Variants in HS3ST4 observed in about 807,000 individuals in gnomAD.
HS3ST4 encodes heparan sulfate glucosamine 3-O-sulfotransferase 4.
Under a neutral mutation model 29.2 loss-of-function variants are expected in HS3ST4, and 17 were observed. The ratio of observed to expected loss-of-function variants is 0.58; its 90% CI spans 0.40 to 0.87. The LOEUF is 0.87. Among genes scored for constraint, HS3ST4 ranks in the 40% least tolerant of loss-of-function variants. HS3ST4 has a pLI of 0.00. For synonymous variants in HS3ST4, 314 were observed against 285.7 expected (o/e 1.10, Z -1.00); for missense variants, 627 against 634.5 (o/e 0.99, Z 0.13).
chr16:26,041,647 A>G (rs941582414), intron 1 of HS3ST4, among the ~76,000 whole-genome samples: 7 of 152,166 alleles, frequency 4.6e-5, no homozygotes, highest in Non-Finnish European at 1.0e-4. Context: ...CTCTGTGGCA[A>G]CTACTCAACT....
chr16:25,841,667 A>G (rs1056493048), intron 1 of HS3ST4, among the ~76,000 whole-genome samples: 1 of 152,104 alleles, frequency 6.6e-6, no homozygotes, highest in Non-Finnish European at 1.5e-5. Context: ...ACCAGAGACA[A>G]TCTCATGGAG....
chr16:25,965,571 G>A (rs1968835015), intron 1 of HS3ST4, among the ~76,000 whole-genome samples: 2 of 152,064 alleles, frequency 1.3e-5, no homozygotes, highest in South Asian at 2.1e-4. Flanking sequence ...TGTGGGTAAT[G>A]GACTCTTCTG....
intron 1 of HS3ST4, among the ~76,000 whole-genome samples, chr16:25,977,999 C>G (rs994168570): frequency 1.1e-4 from 16 of 152,180 alleles, no homozygotes; most frequent in African/African-American, 3.1e-4. Context: ...GCCCTAACCT[C>G]AAGCAAGTAT....
At chr16:25,837,947 C>A (rs938793798) in intron 1 of HS3ST4, among the ~76,000 whole-genome samples, 1 of 152,128 alleles carries the variant, frequency 6.6e-6, no homozygotes, top group African/African-American at 2.4e-5. Context: ...CCACTTCCCC[C>A]TCTTGTAGTC....
chr16:25,947,124 A>G (rs1968634292), intron 1 of HS3ST4, among the ~76,000 whole-genome samples: 1 of 152,150 alleles, frequency 6.6e-6, no homozygotes, highest in African/African-American at 2.4e-5. Flanking sequence ...TTTTGAAAAG[A>G]TGGCTCTGAT....
chr16:26,057,846 C>A (rs536138075), intron 1 of HS3ST4, among the ~76,000 whole-genome samples: 41 of 152,258 alleles, frequency 2.7e-4, no homozygotes, highest in African/African-American at 9.9e-4. Flanking sequence ...CTTCATCTGT[C>A]TGTGTGAAGA....
intron 1 of HS3ST4, among the ~76,000 whole-genome samples, chr16:25,752,410 G>A (rs1365303409): frequency 6.6e-6 from 1 of 152,096 alleles, no homozygotes; most frequent in Admixed American, 6.6e-5. Context: ...AAGAATGAGG[G>A]AAAATTTTAG....
rs115217601 is a variant in HS3ST4 at position 25,942,293 on chromosome 16, C to T, written c.735-193319C>T. The stretch of plus-strand genomic sequence containing the variant: ...AAGAGTGGATTCTGAACAATCTGGC[C>T]GATAGAATTCTTGGAAGAAGTGAGT... On this transcript the variant is annotated intron_variant, in intron 1 of 1. Coordinates refer to ENST00000331351, the MANE Select transcript of HS3ST4 (RefSeq NM_006040.3). Among the ~76,000 whole-genome samples the T allele has an allele frequency of 6.7e-3, 1,023 of 152,080 alleles. 14 individuals are homozygous for T. The highest frequency in any genetic ancestry group is 0.024 in the African/African-American group (978 of 41,462).
At chr16:25,970,010 T>C (rs1968880391) in intron 1 of HS3ST4, among the ~76,000 whole-genome samples, 1 of 152,190 alleles carries the variant, frequency 6.6e-6, no homozygotes, top group Non-Finnish European at 1.5e-5. Flanking sequence ...GCACAGTCAG[T>C]AATTGTGGAC....
chr16:26,118,706 G>T (rs1418200411), intron 1 of HS3ST4, among the ~76,000 whole-genome samples: 1 of 152,182 alleles, frequency 6.6e-6, no homozygotes, highest in Non-Finnish European at 1.5e-5. Flanking sequence ...GCTGTACAAA[G>T]ATCTGGGGAA....
intron 1 of HS3ST4, among the ~76,000 whole-genome samples, chr16:26,052,854 T>C (rs189534080): frequency 5.9e-5 from 9 of 152,350 alleles, no homozygotes; most frequent in Admixed American, 5.2e-4. Context: ...TTTGCTCTCA[T>C]GTGGGGACCT....
At position 25,828,238 on chromosome 16, in the gene HS3ST4, CTTTCTCTTTCTT is replaced by C. The variant is rs1290351117; in HGVS notation, c.734+135089_734+135100del. On this transcript the variant is annotated intron_variant, in intron 1 of 1. Coordinates refer to ENST00000331351, the MANE Select transcript of HS3ST4 (RefSeq NM_006040.3). ...CTTTCTTTCCTTTCTTTCTTTCTTT[CTTTCTCTTTCTT>C]TCTTTCTTTCTTTCTTTCTTTCTTT... Among the ~76,000 whole-genome samples, 8 of 86,976 alleles carry C rather than the reference CTTTCTCTTTCTT, an allele frequency of 9.2e-5. No individual in the cohort carries two copies. In the South Asian group the frequency reaches 1.2e-3, roughly 13 times the overall value. 57.1% of individuals were successfully genotyped at this position (86,976 alleles called of 152,430 possible).
At chr16:25,847,893 C>T (rs891241699) in intron 1 of HS3ST4, among the ~76,000 whole-genome samples, 4 of 152,088 alleles carry the variant, frequency 2.6e-5, no homozygotes, top group Admixed American at 1.3e-4. Flanking sequence ...CTATTTGTTA[C>T]AATTTTTGGT....
chr16:26,052,462 C>T (rs547677546), intron 1 of HS3ST4, among the ~76,000 whole-genome samples: 13 of 152,130 alleles, frequency 8.5e-5, no homozygotes, highest in African/African-American at 2.4e-4. Context: ...CCTCTGCCTC[C>T]TGGGTTCAAG....
chr16:25,742,349 A>C (rs547901181), intron 1 of HS3ST4, among the ~76,000 whole-genome samples: 54 of 152,306 alleles, frequency 3.5e-4, no homozygotes, highest in African/African-American at 1.2e-3. Context: ...AATTCCACCA[A>C]AAATCTCAGT....
At chr16:26,052,874 G>A (rs1294539491) in intron 1 of HS3ST4, among the ~76,000 whole-genome samples, 1 of 152,164 alleles carries the variant, frequency 6.6e-6, no homozygotes, top group Non-Finnish European at 1.5e-5. Context: ...TTTATCTCTG[G>A]AGATCATTCC....
At chr16:25,861,463 C>G (rs978070504) in intron 1 of HS3ST4, among the ~76,000 whole-genome samples, 8 of 152,178 alleles carry the variant, frequency 5.3e-5, no homozygotes, top group African/African-American at 1.9e-4. Context: ...CTAGACTTAA[C>G]TGTAATATTT....
chr16:25,829,499 C>T (rs539492677), intron 1 of HS3ST4, among the ~76,000 whole-genome samples: 1 of 152,304 alleles, frequency 6.6e-6, no homozygotes, highest in African/African-American at 2.4e-5. Context: ...TGGTTTGCTG[C>T]ACCCATCAAC....
At chr16:25,723,526 A>G (rs1352627620) in intron 1 of HS3ST4, among the ~76,000 whole-genome samples, 1 of 152,176 alleles carries the variant, frequency 6.6e-6, no homozygotes, top group Non-Finnish European at 1.5e-5. Flanking sequence ...AAGTGGTACA[A>G]ATTTGACCAG....
Sources: gnomAD v4.1 joint callset for allele counts (sites outside exome capture counted in the v4.1 genomes callset) on GRCh38, gnomAD v4.1.1 for gene constraint, MANE v1.5 for transcripts, NCBI Gene and HGNC (gene_info 2026-07-23, HGNC 2026-07-21) for gene names.